The following USP48 variants were observed in gnomAD, a reference collection of about 807,000 sequenced individuals.
USP48 encodes the protein ubiquitin carboxyl-terminal hydrolase 48.
A neutral mutation model predicts 150.7 loss-of-function variants in USP48; 43 were observed. The observed-to-expected ratio is 0.29, with a 90% CI of 0.22 to 0.37. The LOEUF (loss-of-function observed/expected upper bound fraction) is 0.37, where lower values mean the gene tolerates loss of function less well. USP48 is among the 10% of genes least tolerant of loss of function. The pLI, the probability that USP48 is intolerant of heterozygous loss-of-function variation, is 1.00. For synonymous variants in USP48, 396 were observed against 425.9 expected (o/e 0.93, Z 0.86); for missense variants, 813 against 1,249.6 (o/e 0.65, Z 5.27).
chr1:21,747,241 A>G (rs2097796655), intron 7 of USP48, 92 bp from the exon 8 acceptor site: 1 of 782,944 alleles, frequency 1.3e-6, no homozygotes, highest in Non-Finnish European at 1.9e-6. Flanking sequence ...ACTCAACAGT[A>G]GCTAGCTTTC....
chr1:21,720,431 T>C (rs142530103), intron 14 of USP48, among the ~76,000 whole-genome samples: 90 of 152,366 alleles, frequency 5.9e-4, no homozygotes, highest in African/African-American at 2.0e-3. Flanking sequence ...TTATTTGCTC[T>C]GAGCTACTTG....
At position 21,724,513 on chromosome 1, in the gene USP48, TAC is replaced by T. The variant is rs1243231013; in HGVS notation, c.1451-420_1451-419del. 4.9e-5 allele frequency: 12 copies of T among 247,234 alleles called. No individual in the cohort carries two copies. The South Asian group carries it at 1.3e-3, about 27-fold the overall frequency. 15.3% of individuals were successfully genotyped at this position (247,234 alleles called of 1,614,324 possible). A position where few individuals can be genotyped will look rare whatever the true frequency, so the allele number is the denominator to read the frequency against. On this transcript the variant is annotated intron_variant, in intron 11 of 26. Transcript: ENST00000308271. Reference sequence around the variant, plus strand: ...TTATTTCATAAATTATTTTTGTCAGTACTTTTCACATATATGTGATATACATC... The same window carrying T: ...TTATTTCATAAATTATTTTTGTCAGTTTTTCACATATATGTGATATACATC...
At chr1:21,746,416 C>G (rs2097794656) in intron 8 of USP48, among the ~76,000 whole-genome samples, 1 of 152,072 alleles carries the variant, frequency 6.6e-6, no homozygotes, top group East Asian at 1.9e-4. Context: ...TGTCACTGCA[C>G]TCCAGCCTAG....
chr1:21,693,326 ACT>A (rs1416976353), intron 23 of USP48, among the ~76,000 whole-genome samples: 3 of 151,992 alleles, frequency 2.0e-5, no homozygotes, highest in Non-Finnish European at 4.4e-5. Context: ...AACCTTACAA[ACT>A]CTGATGCTAT....
intron 1 of USP48, among the ~76,000 whole-genome samples, chr1:21,761,959 A>T (rs1346069258): frequency 6.6e-6 from 1 of 152,098 alleles, no homozygotes; most frequent in Admixed American, 6.6e-5. Flanking sequence ...AAGGTCTACT[A>T]TAAGAGAGTT....
chr1:21,737,064 G>A (rs961990677), intron 8 of USP48, among the ~76,000 whole-genome samples: 1 of 152,218 alleles, frequency 6.6e-6, no homozygotes, highest in African/African-American at 2.4e-5. Flanking sequence ...TAGAAGAGAA[G>A]ATAAATGCTT....
intron 9 of USP48, among the ~76,000 whole-genome samples, chr1:21,734,151 C>T (rs138965839): frequency 2.2e-4 from 34 of 152,288 alleles, no homozygotes; most frequent in African/African-American, 7.5e-4. Context: ...GTAATGCCAA[C>T]ACTTTTGGGA....
chr1:21,680,351 A>G (rs1457622684), intron 26 of USP48, among the ~76,000 whole-genome samples: 1 of 152,234 alleles, frequency 6.6e-6, no homozygotes, highest in Non-Finnish European at 1.5e-5. Context: ...TGAAGTAATA[A>G]TCCAACAAAT....
At chr1:21,713,322 T>C (rs1162618073) in intron 15 of USP48, among the ~76,000 whole-genome samples, 2 of 152,156 alleles carry the variant, frequency 1.3e-5, no homozygotes, top group South Asian at 2.1e-4. Context: ...ATGCCAAGGC[T>C]AGTCTCAAAC....
At chr1:21,706,916 A>G (rs781290314) in intron 15 of USP48, 48 bp from the exon 16 acceptor site, 4 of 1,554,972 alleles carry the variant, frequency 2.6e-6, no homozygotes, top group Non-Finnish European at 3.5e-6. Context: ...AGCTGAAAAA[A>G]AGTCATTATC....
chr1:21,740,263 G>A (rs2152566237), intron 8 of USP48, among the ~76,000 whole-genome samples: 1 of 152,290 alleles, frequency 6.6e-6, no homozygotes, highest in Admixed American at 6.5e-5. Context: ...ATGTCCTCCA[G>A]ATTCATCCAT....
rs1304562831 is a variant in USP48 at position 21,706,629 on chromosome 1, G to A, written c.2089-40C>T. ...AGCAATCAACTGTCTCCTGCTGACA[G>A]CACATGACCTGCCTCCTCCCTACAC... On this transcript the variant is annotated intron_variant, in intron 16 of 26. Coordinates refer to ENST00000308271, the MANE Select transcript of USP48 (RefSeq NM_032236.8). 5.0e-6 allele frequency: 8 copies of A among 1,613,582 alleles called. No homozygotes were observed. The Admixed American group carries it at 1.2e-4, about 24-fold the overall frequency.
rs778692028 is a variant in USP48, at chr1:21,695,217, T to C, written c.2732A>G (p.Asn911Ser). 1.1e-5 allele frequency: 17 copies of C among 1,610,456 alleles called. No homozygotes were observed. The highest frequency in any genetic ancestry group is 1.3e-5 in the Non-Finnish European group (15 of 1,178,922). The change falls in exon 23 of 27, where the codon AAT becomes AGT. Residue 911 changes from asparagine (N) to serine (S), a missense_variant. Asn to Ser is a conservative substitution (Grantham distance 46). Transcript: ENST00000308271. ...GEKDPDFNQS[N>S]GGTKRQKISH... ...TATCTTTTGCCGCTTTGTTCCACCA[T>C]TGCTCTATAATGAAGATTGGAAATG...
intron 15 of USP48, 23 bp from the exon 16 acceptor site, chr1:21,706,891 G>T (rs2152522035): frequency 6.5e-7 from 1 of 1,544,124 alleles, no homozygotes. Flanking sequence ...AAATATATTT[G>T]GAAAAAAAAA....
intron 1 of USP48, among the ~76,000 whole-genome samples, chr1:21,774,551 G>C (rs2097892183): frequency 6.6e-6 from 1 of 151,876 alleles, no homozygotes; most frequent in African/African-American, 2.4e-5. Context: ...GCCGGGTGTG[G>C]TGGGGCGCCC....
At chr1:21,715,234 C>A (rs909101766) in intron 15 of USP48, 155 bp downstream of exon 15, 2 of 539,390 alleles carry the variant, frequency 3.7e-6, no homozygotes, top group Non-Finnish European at 6.7e-6. Flanking sequence ...CAAGAAGTTT[C>A]TTTTCCAATG....
intron 1 of USP48, among the ~76,000 whole-genome samples, chr1:21,775,229 G>A (rs575373306): frequency 1.7e-4 from 26 of 152,016 alleles, no homozygotes; most frequent in African/African-American, 6.3e-4. Context: ...AGTGTAGCTG[G>A]AACTATGGGT....
intron 15 of USP48, among the ~76,000 whole-genome samples, chr1:21,713,231 T>C (rs535237374): frequency 2.0e-5 from 3 of 152,164 alleles, no homozygotes; most frequent in Non-Finnish European, 4.4e-5. Flanking sequence ...TAGCCTTTCA[T>C]GTAGCTGGGA....
chr1:21,709,208 A>C (rs960338509), intron 15 of USP48, among the ~76,000 whole-genome samples: 1 of 152,112 alleles, frequency 6.6e-6, no homozygotes, highest in African/African-American at 2.4e-5. Context: ...AATACCTCAG[A>C]ATGCAACTTA....
Sources: gnomAD v4.1 joint callset for allele counts (sites outside exome capture counted in the v4.1 genomes callset) on GRCh38, gnomAD v4.1.1 for gene constraint, MANE v1.5 for transcripts, NCBI Gene and HGNC (gene_info 2026-07-23, HGNC 2026-07-21) for gene names.